The following CNTNAP5 variants were observed in gnomAD, a reference collection of about 807,000 sequenced individuals.
CNTNAP5 encodes the protein contactin associated protein family member 5.
A neutral mutation model predicts 150.2 loss-of-function variants in CNTNAP5; 72 were observed. The ratio of observed to expected loss-of-function variants is 0.48; its 90% CI spans 0.40 to 0.58. CNTNAP5 has a LOEUF of 0.58. CNTNAP5 is among the 20% of genes least tolerant of loss of function. The probability of loss-of-function intolerance (pLI) is 0.00; values close to 1 mark genes in which losing one functional copy is unlikely to be tolerated. For missense variants in CNTNAP5, 1,636 were observed against 1,626.2 expected, an observed-to-expected ratio of 1.01 and a Z score of -0.10; for synonymous variants, 672 against 619.8, an observed-to-expected ratio of 1.08 and a Z score of -1.25.
rs1289729313 is a variant in CNTNAP5, at chr2:124,918,672, C to G, written c.*4384C>G. 6.6e-6 allele frequency among the ~76,000 whole-genome samples: 1 copy of G among 152,096 alleles called. No individual in the cohort carries two copies. Among genetic ancestry groups the G allele is most frequent in the African/African-American group, 2.4e-5 (1 of 41,450 alleles). On this transcript the variant is annotated 3_prime_UTR_variant, in exon 24 of 24. Transcript: ENST00000682447. ...GCTACCATCCATCAAAACCTCATTGCAGCTGTAGCCTACCAAAAGGCCTTT... is the reference window on the plus strand; with the variant it reads ...GCTACCATCCATCAAAACCTCATTGGAGCTGTAGCCTACCAAAAGGCCTTT...
intron 13 of CNTNAP5, among the ~76,000 whole-genome samples, chr2:124,696,745 A>C (rs997778588): frequency 1.6e-4 from 24 of 152,118 alleles, no homozygotes; most frequent in Non-Finnish European, 3.5e-4. Context: ...ACGATCTTCA[A>C]TTCTCAAACG....
chr2:124,781,106 C>CT (rs1011250550), intron 17 of CNTNAP5, among the ~76,000 whole-genome samples: 2 of 152,154 alleles, frequency 1.3e-5, no homozygotes. Flanking sequence ...GTCCTTCATC[C>CT]TTTTTTCCCC....
intron 1 of CNTNAP5, among the ~76,000 whole-genome samples, chr2:124,198,027 A>G (rs1573828488): frequency 6.6e-6 from 1 of 151,958 alleles, no homozygotes; most frequent in East Asian, 1.9e-4. Context: ...AACAATACGT[A>G]GGTATTCCAT....
intron 11 of CNTNAP5, among the ~76,000 whole-genome samples, chr2:124,571,461 G>GT (rs1696150245): frequency 6.6e-6 from 1 of 150,464 alleles, no homozygotes; most frequent in Non-Finnish European, 1.5e-5. Context: ...GGATGTTTCA[G>GT]GAATAGACTA....
At chr2:124,142,357 A>G (rs1684136804) in intron 1 of CNTNAP5, among the ~76,000 whole-genome samples, 1 of 150,080 alleles carries the variant, frequency 6.7e-6, no homozygotes, top group African/African-American at 2.5e-5. Context: ...GCACCACACC[A>G]CACCTATTCC....
At chr2:124,242,167 AACTCTCTCTC>A in intron 2 of CNTNAP5, 23 bp from the exon 3 acceptor site, 1 of 1,524,568 alleles carries the variant, frequency 6.6e-7, no homozygotes, top group African/African-American at 1.4e-5. Context: ...ACATTACTAC[AACTCTCTCTC>A]ACTCTCTCTG....
intron 13 of CNTNAP5, among the ~76,000 whole-genome samples, chr2:124,732,675 A>G (rs1463097183): frequency 6.6e-6 from 1 of 152,192 alleles, no homozygotes; most frequent in Admixed American, 6.5e-5. Flanking sequence ...AGCCGGCCAA[A>G]TAGACCAAAA....
At chr2:124,201,328 C>G (rs375052936) in intron 1 of CNTNAP5, among the ~76,000 whole-genome samples, 8 of 152,312 alleles carry the variant, frequency 5.3e-5, no homozygotes, top group African/African-American at 1.9e-4. Context: ...GTATCAATCA[C>G]TCAGTGAGTC....
intron 1 of CNTNAP5, among the ~76,000 whole-genome samples, chr2:124,098,846 C>T (rs1682999493): frequency 6.6e-6 from 1 of 152,176 alleles, no homozygotes; most frequent in Non-Finnish European, 1.5e-5. Context: ...TCAGGAACTC[C>T]ACTGCAGTGA....
chr2:124,183,792 A>C (rs1382310659), intron 1 of CNTNAP5, among the ~76,000 whole-genome samples: 1 of 152,208 alleles, frequency 6.6e-6, no homozygotes, highest in African/African-American at 2.4e-5. Context: ...GAGAGAAGAA[A>C]GATAACGTCC....
intron 3 of CNTNAP5, among the ~76,000 whole-genome samples, chr2:124,373,253 AG>A (rs1690572471): frequency 6.6e-6 from 1 of 152,172 alleles, no homozygotes; most frequent in African/African-American, 2.4e-5. Flanking sequence ...CTAATCTAAA[AG>A]TAGGTGTTGC....
chr2:124,284,394 T>A (rs780011), intron 3 of CNTNAP5, among the ~76,000 whole-genome samples: 119,548 of 151,878 alleles, frequency 0.79, 47,183 homozygotes, highest in South Asian at 0.89. Context: ...AGGGGCTAGG[T>A]TGGCCAGAAG....
intron 11 of CNTNAP5, among the ~76,000 whole-genome samples, chr2:124,605,189 T>A (rs2104978361): frequency 2.0e-5 from 3 of 152,340 alleles, no homozygotes; most frequent in South Asian, 2.1e-4. Flanking sequence ...AGCAGCTGAC[T>A]GCAGATGCAT....
At chr2:124,773,641 C>A (rs1681253623) in intron 17 of CNTNAP5, among the ~76,000 whole-genome samples, 1 of 152,124 alleles carries the variant, frequency 6.6e-6, no homozygotes, top group Non-Finnish European at 1.5e-5. Context: ...AGTCATTCCT[C>A]ACTACTTTCA....
intron 12 of CNTNAP5, among the ~76,000 whole-genome samples, chr2:124,627,639 CA>C (rs1677756292): frequency 6.6e-6 from 1 of 151,952 alleles, no homozygotes; most frequent in Non-Finnish European, 1.5e-5. Context: ...TGAAAAATCC[CA>C]AAAGTCAAAA....
chr2:124,387,591 G>T (rs1407447423), intron 3 of CNTNAP5, among the ~76,000 whole-genome samples: 1 of 152,078 alleles, frequency 6.6e-6, no homozygotes, highest in Non-Finnish European at 1.5e-5. Context: ...GAATTACAAA[G>T]AACCTTCTTA....
chr2:124,697,611 G>GA (rs5834084), intron 13 of CNTNAP5, among the ~76,000 whole-genome samples: 31,805 of 128,256 alleles, frequency 0.25, 4,063 homozygotes, highest in Non-Finnish European at 0.29. Context: ...CCCTTAGTTT[G>GA]AAAAAAAAAA....
intron 10 of CNTNAP5, among the ~76,000 whole-genome samples, chr2:124,552,478 G>T (rs762643431): frequency 6.6e-6 from 1 of 152,046 alleles, no homozygotes; most frequent in Admixed American, 6.6e-5. Context: ...ATCTTCTTTT[G>T]TCCAGCTGGT....
chr2:124,460,530 G>A (rs1693221157), intron 6 of CNTNAP5, among the ~76,000 whole-genome samples: 2 of 152,040 alleles, frequency 1.3e-5, no homozygotes, highest in South Asian at 4.1e-4. Flanking sequence ...TAGAATTTAA[G>A]CTCATCATAA....
Sources: gnomAD v4.1 joint callset for allele counts (sites outside exome capture counted in the v4.1 genomes callset) on GRCh38, gnomAD v4.1.1 for gene constraint, MANE v1.5 for transcripts, NCBI Gene and HGNC (gene_info 2026-07-23, HGNC 2026-07-21) for gene names.